WDFY2: variants seen among roughly 807,000 people sequenced by gnomAD.
WDFY2 encodes the protein WD repeat and FYVE domain-containing protein 2.
A neutral mutation model predicts 56.4 loss-of-function variants in WDFY2; 36 were observed. That is an observed-to-expected ratio of 0.64 (90% CI 0.49 to 0.84). The LOEUF is 0.84. Among genes scored for constraint, WDFY2 ranks in the 40% least tolerant of loss-of-function variants. The pLI, the probability that WDFY2 is intolerant of heterozygous loss-of-function variation, is 0.00. For synonymous variants in WDFY2, 176 were observed against 183.7 expected (o/e 0.96, Z 0.34); for missense variants, 444 against 512.2 (o/e 0.87, Z 1.29).
chr13:51,599,107 C>G (rs1432230603), intron 1 of WDFY2: 1 of 152,364 alleles, frequency 6.6e-6, no homozygotes, highest in Non-Finnish European at 1.5e-5. Flanking sequence ...TGGGGTTTCA[C>G]CACGTTGGCC....
chr13:51,701,743 G>C (rs530153466), intron 3 of WDFY2, among the ~76,000 whole-genome samples: 15 of 152,064 alleles, frequency 9.9e-5, no homozygotes, highest in African/African-American at 3.1e-4. Context: ...AGGAATTGAG[G>C]TATCTTTTGA....
chr13:51,673,878 C>T (rs1313625689), intron 2 of WDFY2, among the ~76,000 whole-genome samples: 2 of 151,948 alleles, frequency 1.3e-5, no homozygotes, highest in Non-Finnish European at 2.9e-5. Context: ...GGGGGAAATT[C>T]TACTAGTTTT....
At chr13:51,671,404 C>T (rs903309966) in intron 2 of WDFY2, among the ~76,000 whole-genome samples, 1 of 152,126 alleles carries the variant, frequency 6.6e-6, no homozygotes, top group African/African-American at 2.4e-5. Context: ...TGATTATGGC[C>T]ATTCTTGCAG....
chr13:51,758,552 TAAAA>T (rs35383381), intron 11 of WDFY2, among the ~76,000 whole-genome samples: 7 of 127,706 alleles, frequency 5.5e-5, no homozygotes, highest in African/African-American at 8.7e-5. Context: ...CCTCATCTCT[TAAAA>T]AAAAAAAAAA....
intron 6 of WDFY2, among the ~76,000 whole-genome samples, chr13:51,729,563 T>C (rs181050759): frequency 2.0e-5 from 3 of 150,612 alleles, no homozygotes; most frequent in Non-Finnish European, 3.0e-5. Flanking sequence ...AGGAGAGCAG[T>C]CTTCCTCCAG....
At chr13:51,658,740 A>G (rs1007005685) in intron 1 of WDFY2, among the ~76,000 whole-genome samples, 1 of 152,220 alleles carries the variant, frequency 6.6e-6, no homozygotes, top group South Asian at 2.1e-4. Context: ...ATGTGTATGC[A>G]TAGATTTAAT....
intron 1 of WDFY2, among the ~76,000 whole-genome samples, chr13:51,602,711 T>C (rs1256022023): frequency 2.0e-5 from 3 of 152,184 alleles, no homozygotes; most frequent in Non-Finnish European, 2.9e-5. Flanking sequence ...TTTTGAGCAA[T>C]TGTAGTTTTT....
chr13:51,732,456 T>C (rs1420020006), intron 6 of WDFY2, among the ~76,000 whole-genome samples: 1 of 152,206 alleles, frequency 6.6e-6, no homozygotes, highest in East Asian at 1.9e-4. Context: ...TTAATAGTGT[T>C]AATACAGTCT....
chr13:51,754,607 A>G (rs1340601998), intron 8 of WDFY2, among the ~76,000 whole-genome samples: 1 of 152,146 alleles, frequency 6.6e-6, no homozygotes, highest in Non-Finnish European at 1.5e-5. Flanking sequence ...CTCTTCATAT[A>G]TGTTAGCCAT....
chr13:51,749,601 T>C (rs924197824), intron 7 of WDFY2, among the ~76,000 whole-genome samples: 37 of 152,268 alleles, frequency 2.4e-4, no homozygotes, highest in Non-Finnish European at 4.4e-4. Flanking sequence ...CATAAGGCAC[T>C]TTTACATTCC....
At position 51,735,535 on chromosome 13, in the gene WDFY2, G is replaced by A. The variant is rs146836209; in HGVS notation, c.599-3514G>A. Among the ~76,000 whole-genome samples, 173 of 152,320 alleles carry A rather than the reference G, an allele frequency of 1.1e-3. 1 individual carries two copies. The highest frequency in any genetic ancestry group is 4.0e-3 in the African/African-American group (165 of 41,568). ...GACAGGGGAAGCAGTCACATATCCC[G>A]TAAGAGAATGGCTCGACCAAACATA... On this transcript the variant is annotated intron_variant, in intron 6 of 11. Coordinates refer to ENST00000298125, the MANE Select transcript of WDFY2 (RefSeq NM_052950.4).
intron 7 of WDFY2, among the ~76,000 whole-genome samples, chr13:51,749,146 T>C (rs2138712222): frequency 6.6e-6 from 1 of 152,354 alleles, no homozygotes; most frequent in South Asian, 2.1e-4. Context: ...TTTTACAGAA[T>C]ATGTGACTTA....
intron 1 of WDFY2, among the ~76,000 whole-genome samples, chr13:51,611,477 T>C (rs952423330): frequency 6.6e-6 from 1 of 152,268 alleles, no homozygotes; most frequent in African/African-American, 2.4e-5. Context: ...TGAATAATAA[T>C]ATATTGGATC....
intron 10 of WDFY2, chr13:51,756,734 C>T: frequency 1.3e-6 from 1 of 746,784 alleles, no homozygotes; most frequent in Middle Eastern, 6.7e-4. Flanking sequence ...CCAGAACAAA[C>T]CCTTCTGTCT....
intron 2 of WDFY2, among the ~76,000 whole-genome samples, chr13:51,674,335 C>G (rs1444548154): frequency 6.6e-6 from 1 of 152,042 alleles, no homozygotes; most frequent in East Asian, 1.9e-4. Flanking sequence ...GTCAAAAGAC[C>G]CCCTATTTAG....
chr13:51,755,512 C>A lies in WDFY2; in HGVS notation c.933+53C>A, dbSNP rs79163153. 2,744 of 1,556,526 alleles carry A rather than the reference C, an allele frequency of 1.8e-3. 21 individuals carry two copies. Among genetic ancestry groups the A allele is most frequent in the African/African-American group, 0.017 (1,254 of 73,830 alleles). On this transcript the variant is annotated intron_variant, in intron 9 of 11. Coordinates refer to ENST00000298125, the MANE Select transcript of WDFY2 (RefSeq NM_052950.4). The stretch of plus-strand genomic sequence containing the variant: ...TGTAATTATATGGAAATAGCTCAAC[C>A]ATGTGATCTTAGAAGAAATAACACC...
At chr13:51,731,024 G>A (rs1467144346) in intron 6 of WDFY2, among the ~76,000 whole-genome samples, 1 of 152,232 alleles carries the variant, frequency 6.6e-6, no homozygotes, top group Non-Finnish European at 1.5e-5. Context: ...AGGTTGTCTG[G>A]CAGTAGAGAG....
intron 1 of WDFY2, among the ~76,000 whole-genome samples, chr13:51,629,925 C>A (rs2138377414): frequency 6.6e-6 from 1 of 150,502 alleles, no homozygotes; most frequent in Admixed American, 6.6e-5. Flanking sequence ...ACTCATGATC[C>A]CACAATCTTG....
In WDFY2 at chr13:51,595,072, C is replaced by A. The variant is rs190512557; in HGVS notation, c.137+10248C>A. 3.9e-5 allele frequency among the ~76,000 whole-genome samples: 6 copies of A among 152,228 alleles called. No individual in the cohort carries two copies. In the South Asian group the frequency reaches 6.2e-4, roughly 16 times the overall value. ...TCTGTCATCTTTATACCACCACTTTCCAAATTTGCCCTGTGACAGCCAGTG... is the reference window on the plus strand; with the variant it reads ...TCTGTCATCTTTATACCACCACTTTACAAATTTGCCCTGTGACAGCCAGTG... On this transcript the variant is annotated intron_variant, in intron 1 of 11. Coordinates refer to ENST00000298125, the MANE Select transcript of WDFY2 (RefSeq NM_052950.4).
Sources: allele counts gnomAD v4.1 joint callset (sites outside exome capture counted in the v4.1 genomes callset), GRCh38; gene constraint gnomAD v4.1.1; transcripts MANE v1.5; gene names NCBI Gene and HGNC (gene_info 2026-07-23, HGNC 2026-07-21).